The following ARHGEF10 variants were observed in gnomAD, a reference collection of about 807,000 sequenced individuals.
ARHGEF10 encodes the protein Rho guanine nucleotide exchange factor 10.
Under a neutral mutation model 147.4 loss-of-function variants are expected in ARHGEF10, and 140 were observed. The ratio of observed to expected loss-of-function variants is 0.95; its 90% confidence interval spans 0.83 to 1.09. ARHGEF10 has a LOEUF of 1.09. ARHGEF10 is among the 50% of genes least tolerant of loss of function. The pLI, the probability that ARHGEF10 is intolerant of heterozygous loss-of-function variation, is 0.00. For missense variants in ARHGEF10, 2,222 were observed against 1,752.7 expected, an observed-to-expected ratio of 1.27 and a Z score of -4.78; for synonymous variants, 902 against 695.8, an observed-to-expected ratio of 1.30 and a Z score of -4.67.
At chr8:1,903,958 A>C (rs1810685759) in intron 16 of ARHGEF10, 1 of 207,826 alleles carries the variant, frequency 4.8e-6, no homozygotes, top group Non-Finnish European at 9.7e-6. Context: ...AGCTGGGCAC[A>C]GTGGCATGCA....
chr8:1,906,162 CA>C (rs1810873701), intron 17 of ARHGEF10, among the ~76,000 whole-genome samples: 1 of 152,118 alleles, frequency 6.6e-6, no homozygotes, highest in African/African-American at 2.4e-5. Flanking sequence ...AGTTTTACAT[CA>C]GAATCGTTCT....
intron 11 of ARHGEF10, among the ~76,000 whole-genome samples, chr8:1,887,186 C>T (rs192237731): frequency 6.6e-6 from 1 of 152,186 alleles, no homozygotes; most frequent in Non-Finnish European, 1.5e-5. Flanking sequence ...TGAGAACTTA[C>T]TGTAGCGATG....
At chr8:1,864,661 G>A (rs1006528215) in intron 5 of ARHGEF10, among the ~76,000 whole-genome samples, 23 of 152,212 alleles carry the variant, frequency 1.5e-4, no homozygotes, top group African/African-American at 1.9e-4. Context: ...GATTTCAGGC[G>A]TCCAGGTGTG....
chr8:1,841,061 C>G (rs934341968), intron 1 of ARHGEF10, among the ~76,000 whole-genome samples: 2 of 152,220 alleles, frequency 1.3e-5, no homozygotes, highest in African/African-American at 4.8e-5. Flanking sequence ...GACATGCCGT[C>G]GGGGCCTAGG....
intron 7 of ARHGEF10, among the ~76,000 whole-genome samples, chr8:1,873,519 C>A (rs55640435): frequency 2.4e-5 from 1 of 41,800 alleles, no homozygotes; most frequent in South Asian, 7.3e-4. Context: ...GTTTGAGAGG[C>A]GCCCGCGGGG....
chr8:1,949,599 G>A (rs1006923810), intron 27 of ARHGEF10, among the ~76,000 whole-genome samples: 24 of 152,184 alleles, frequency 1.6e-4, no homozygotes, highest in Non-Finnish European at 2.8e-4. Flanking sequence ...GCCTTTCTGA[G>A]TCTCCACCGA....
At chr8:1,907,917 CT>C (rs1258585355) in intron 17 of ARHGEF10, among the ~76,000 whole-genome samples, 1 of 152,166 alleles carries the variant, frequency 6.6e-6, no homozygotes, top group African/African-American at 2.4e-5. Context: ...TAAACCTCCT[CT>C]GTAGGGATGG....
intron 10 of ARHGEF10, 97 bp downstream of exon 10, chr8:1,882,846 G>T (rs1808334656): frequency 2.0e-6 from 2 of 982,910 alleles, no homozygotes; most frequent in African/African-American, 1.6e-5. Context: ...GGCCGCGCAG[G>T]CTCCCACAGC....
At chr8:1,900,886 A>G (rs568803164) in intron 15 of ARHGEF10, among the ~76,000 whole-genome samples, 2 of 152,264 alleles carry the variant, frequency 1.3e-5, no homozygotes, top group East Asian at 3.9e-4. Context: ...TTTCCCACAC[A>G]GGGTCTGTTG....
At chr8:1,887,455 GGGGTGTGAGGGGTCTGTGAGGAGA>G in intron 11 of ARHGEF10, among the ~76,000 whole-genome samples, 1 of 145,732 alleles carries the variant, frequency 6.9e-6, no homozygotes, top group African/African-American at 2.7e-5. Context: ...GATACTGAGT[GGGGTGTGAGGGGTCTGTGAGGAGA>G]CACTGAGTGG....
chr8:1,828,008 A>T (rs1802869478), intron 1 of ARHGEF10, among the ~76,000 whole-genome samples: 1 of 152,216 alleles, frequency 6.6e-6, no homozygotes, highest in Non-Finnish European at 1.5e-5. Flanking sequence ...TGGCCATTCT[A>T]GGTTCCAATA....
At chr8:1,901,242 G>C (rs1810431192) in intron 15 of ARHGEF10, among the ~76,000 whole-genome samples, 1 of 152,132 alleles carries the variant, frequency 6.6e-6, no homozygotes, top group Non-Finnish European at 1.5e-5. Context: ...CGTAGTCCGT[G>C]TGCTGAGTGT....
rs191294412 is a variant in ARHGEF10 at position 1,840,470 on chromosome 8, G to A, written c.-47-2883G>A. 4.6e-3 allele frequency among the ~76,000 whole-genome samples: 658 copies of A among 143,930 alleles called. 32 individuals carry two copies. The highest frequency in any genetic ancestry group is 0.016 in the African/African-American group (627 of 38,780). The allele number at this position is 143,930 out of a possible 152,430, so 94.4% of individuals were successfully genotyped here. A position where few individuals can be genotyped will look rare whatever the true frequency, so the allele number is the denominator to read the frequency against. On this transcript the variant is annotated intron_variant, in intron 1 of 28. Transcript: ENST00000349830. ...TCCGGTGTGGAAGCTGTCCGGTGTG[G>A]GTACTGTCCTGTGTGGAAGCTGTCC...
At chr8:1,835,836 C>T (rs1275281608) in intron 1 of ARHGEF10, among the ~76,000 whole-genome samples, 1 of 152,208 alleles carries the variant, frequency 6.6e-6, no homozygotes, top group African/African-American at 2.4e-5. Context: ...GTCCTTCAGC[C>T]TCGGTGTCTC....
At chr8:1,928,322 A>T in intron 23 of ARHGEF10, 105 bp from the exon 24 acceptor site, 1 of 1,001,984 alleles carries the variant, frequency 1.0e-6, no homozygotes, top group Non-Finnish European at 1.6e-6. Context: ...GTTGATTCTC[A>T]CATGAAAATC....
At chr8:1,942,540 T>A (rs563306006) in intron 26 of ARHGEF10, among the ~76,000 whole-genome samples, 1 of 152,200 alleles carries the variant, frequency 6.6e-6, no homozygotes, top group African/African-American at 2.4e-5. Flanking sequence ...GAAGACAGTT[T>A]GTGATTTCTT....
At chr8:1,923,119 C>G in intron 19 of ARHGEF10, 40 bp downstream of exon 19, 1 of 1,419,800 alleles carries the variant, frequency 7.0e-7, no homozygotes, top group East Asian at 2.3e-5. Flanking sequence ...TCTGCCTTTA[C>G]TTATAAGTCA....
chr8:1,926,428 C>T lies in ARHGEF10; in HGVS notation c.2662C>T (p.Pro888Ser). The T allele has an allele frequency of 3.1e-6, 5 of 1,614,126 alleles. No individual in the cohort carries two copies. The highest frequency in any genetic ancestry group is 4.2e-6 in the Non-Finnish European group (5 of 1,180,000). The change falls in exon 23 of 29, where the codon CCA becomes TCA. Residue 888 changes from proline (P) to serine (S), a missense_variant. Pro to Ser is a moderately conservative substitution (Grantham distance 74). Transcript: ENST00000349830. The part of the protein sequence containing the change: ...PEPYLNNESQ[P>S]DSFSTAHGFL... ...ACCTTACCTAAATAATGAAAGCCAG[C>T]CAGATTCATTTTCCACGGCACATGG... is the stretch of plus-strand genomic sequence containing the variant.
intron 23 of ARHGEF10, among the ~76,000 whole-genome samples, chr8:1,927,800 A>G (rs1230921354): frequency 6.6e-6 from 1 of 152,128 alleles, no homozygotes; most frequent in Non-Finnish European, 1.5e-5. Flanking sequence ...AATTAGCCGG[A>G]TGTGGTGGCA....
Sources: gnomAD v4.1 joint callset for allele counts (sites outside exome capture counted in the v4.1 genomes callset) on GRCh38, gnomAD v4.1.1 for gene constraint, MANE v1.5 for transcripts, NCBI Gene and HGNC (gene_info 2026-07-23, HGNC 2026-07-21) for gene names.